CDK1: variants seen among roughly 807,000 people sequenced by gnomAD.
The protein encoded by CDK1 is cyclin-dependent kinase 1.
In CDK1, 5 loss-of-function variants were observed where a neutral mutation model predicts 34.6. That is an observed-to-expected ratio of 0.14 (90% CI 0.08 to 0.30). The LOEUF is 0.30. CDK1 is among the 10% of genes least tolerant of loss of function. The pLI is 1.00. For missense variants in CDK1, 157 were observed against 345.7 expected (o/e 0.45, Z 4.33); for synonymous variants, 108 against 114.7 (o/e 0.94, Z 0.37).
At chr10:60,787,132 T>C in intron 4 of CDK1, 1 of 919,586 alleles carries the variant, frequency 1.1e-6, no homozygotes, top group Non-Finnish European at 1.3e-6. Context: ...TACTTACAAT[T>C]TTTCAGTTTT....
Position 60,794,028 on chromosome 10 carries a change from T to G in CDK1, c.*53T>G. 1 of 831,136 alleles carries G rather than the reference T, an allele frequency of 1.2e-6. No homozygotes were observed. The highest frequency in any genetic ancestry group is 1.7e-5 in the South Asian group (1 of 60,406). The allele number at this position is 831,136 out of a possible 1,614,324, so 51.5% of individuals were successfully genotyped here. A position where few individuals can be genotyped will look rare whatever the true frequency, so the allele number is the denominator to read the frequency against. On this transcript the variant is annotated 3_prime_UTR_variant, in exon 8 of 8. Coordinates refer to ENST00000395284, the MANE Select transcript of CDK1 (RefSeq NM_001786.5). ...ATATCAACAGATAGTTGTGTTTTTA[T>G]TGTTAACTCTTGTCTATTTTTGTCT...
intron 2 of CDK1, among the ~76,000 whole-genome samples, chr10:60,782,711 A>AT (rs2080283225): frequency 6.6e-6 from 1 of 152,032 alleles, no homozygotes; most frequent in Admixed American, 6.6e-5. Context: ...TGTGTTAATG[A>AT]TTTTTGCCTC....
chr10:60,789,823 C>T (rs1021285100), intron 5 of CDK1, among the ~76,000 whole-genome samples: 7 of 152,194 alleles, frequency 4.6e-5, no homozygotes, highest in African/African-American at 1.7e-4. Flanking sequence ...TGAGCATCCT[C>T]TAAACAGTTT....
At chr10:60,791,253 T>C (rs2132074805) in intron 5 of CDK1, among the ~76,000 whole-genome samples, 1 of 152,284 alleles carries the variant, frequency 6.6e-6, no homozygotes, top group South Asian at 2.1e-4. Context: ...TTAAATTTAT[T>C]CCTAGGTTTT....
intron 4 of CDK1, chr10:60,786,048 C>CT (rs2080312936): frequency 2.8e-6 from 3 of 1,073,502 alleles, no homozygotes; most frequent in Non-Finnish European, 3.4e-6. Flanking sequence ...GTAGTCTGGT[C>CT]TTTCTTTGGC....
intron 4 of CDK1, chr10:60,786,661 C>G (rs1332626709): frequency 5.6e-6 from 1 of 178,892 alleles, no homozygotes; most frequent in African/African-American, 2.4e-5. Flanking sequence ...AAACTTGTAG[C>G]AATTTACTCT....
intron 6 of CDK1, 21 bp downstream of exon 6, chr10:60,792,074 T>C: frequency 6.2e-7 from 1 of 1,603,754 alleles, no homozygotes; most frequent in Non-Finnish European, 8.5e-7. Context: ...AAAACTGAGA[T>C]AATAAAGGTA....
rs1030959860 is a variant in CDK1 at position 60,790,095 on chromosome 10, AT to A, written c.490-1787del. Among the ~76,000 whole-genome samples the A allele has an allele frequency of 2.0e-5, 3 of 151,714 alleles. No individual in the cohort carries two copies. In the East Asian group the frequency reaches 5.8e-4, roughly 29 times the overall value. On this transcript the variant is annotated intron_variant, in intron 5 of 7. Coordinates refer to ENST00000395284, the MANE Select transcript of CDK1 (RefSeq NM_001786.5). ...CCATTTTTAAAATTGGATTCTTACT[AT>A]TTTTTTTATTCTGGATGTTAATTCT...
intron 2 of CDK1, among the ~76,000 whole-genome samples, chr10:60,783,072 G>A (rs1269663074): frequency 6.6e-6 from 1 of 152,102 alleles, no homozygotes; most frequent in Non-Finnish European, 1.5e-5. Flanking sequence ...ATTTTCCTGA[G>A]ATCACTTAAA....
In CDK1 at chr10:60,788,046, C is replaced by T. The variant is rs772620532; in HGVS notation, c.319-14C>T. ...ACTTCGCTTAAGTTTCTAACTTTTA[C>T]TTGCTTTTTCCAGAGTTATTTATAC... On this transcript the variant is annotated splice_polypyrimidine_tract_variant and intron_variant, in intron 4 of 7. Transcript: ENST00000395284. The T allele has an allele frequency of 1.5e-6, 2 of 1,329,076 alleles. No homozygotes were observed. The highest frequency in any genetic ancestry group is 2.2e-5 in the South Asian group (1 of 46,170). The allele number at this position is 1,329,076 out of a possible 1,614,324, so 82.3% of individuals were successfully genotyped here. A position where few individuals can be genotyped will look rare whatever the true frequency, so the allele number is the denominator to read the frequency against.
At chr10:60,786,943 A>C (rs914752206) in intron 4 of CDK1, 1 of 983,286 alleles carries the variant, frequency 1.0e-6, no homozygotes, top group Non-Finnish European at 1.2e-6. Context: ...AGAATAATAC[A>C]TGTCAGTATT....
intron 2 of CDK1, among the ~76,000 whole-genome samples, chr10:60,783,893 A>C (rs1055775438): frequency 6.6e-6 from 1 of 152,148 alleles, no homozygotes; most frequent in Admixed American, 6.5e-5. Flanking sequence ...ATACACAAAC[A>C]CCTGGTCTTT....
At chr10:60,781,127 A>G (rs1222424606) in intron 2 of CDK1, among the ~76,000 whole-genome samples, 4 of 152,112 alleles carry the variant, frequency 2.6e-5, no homozygotes, top group Non-Finnish European at 5.9e-5. Flanking sequence ...TGAATTAAAA[A>G]TATGTGATTA....
Position 60,788,224 on chromosome 10 carries a change from A to G in CDK1, c.483A>G (p.Thr161=), listed in dbSNP as rs942325644. ...RAFGIPIRVY[T]HEVVTLWYRS... ...TTGGAATACCTATCAGAGTATATAC[A>G]CATGAGGCAAGTGGAATAGTGGTTT... Residue 161 remains threonine, a synonymous_variant, in exon 5 of 8, where the codon ACA becomes ACG. Coordinates refer to ENST00000395284, the MANE Select transcript of CDK1 (RefSeq NM_001786.5). 6.3e-7 allele frequency: 1 copy of G among 1,588,776 alleles called. No individual in the cohort carries two copies. The highest frequency in any genetic ancestry group is 1.4e-5 in the African/African-American group (1 of 74,004).
intron 4 of CDK1, 42 bp downstream of exon 4, chr10:60,785,829 A>G (rs779662361): frequency 6.5e-7 from 1 of 1,529,872 alleles, no homozygotes; most frequent in Admixed American, 1.9e-5. Flanking sequence ...TGCACTGTGG[A>G]TATAAAGGGA....
intron 5 of CDK1, among the ~76,000 whole-genome samples, chr10:60,788,620 T>G (rs539395429): frequency 6.6e-6 from 1 of 152,266 alleles, no homozygotes; most frequent in South Asian, 2.1e-4. Flanking sequence ...GTCTCCTGAC[T>G]GAACCCTCCC....
At position 60,794,038 on chromosome 10, in the gene CDK1, TTGTC is replaced by T; in HGVS notation, c.*65_*68del. Reference sequence around the variant, plus strand: ...ATAGTTGTGTTTTTATTGTTAACTCTTGTCTATTTTTGTCTTATATATATTTCTT... The same window carrying T: ...ATAGTTGTGTTTTTATTGTTAACTCTTATTTTTGTCTTATATATATTTCTT... On this transcript the variant is annotated 3_prime_UTR_variant, in exon 8 of 8. Coordinates refer to ENST00000395284, the MANE Select transcript of CDK1 (RefSeq NM_001786.5). 1.3e-6 allele frequency: 1 copy of T among 768,014 alleles called. No individual in the cohort carries two copies. The highest frequency in any genetic ancestry group is 1.7e-5 in the South Asian group (1 of 57,482). 47.6% of individuals were successfully genotyped at this position (768,014 alleles called of 1,614,324 possible).
intron 4 of CDK1, chr10:60,786,415 G>A (rs147945484): frequency 5.6e-6 from 4 of 718,598 alleles, no homozygotes; most frequent in East Asian, 1.3e-4. Context: ...TTATCAAGAC[G>A]TAGATCTACC....
intron 5 of CDK1, among the ~76,000 whole-genome samples, chr10:60,788,916 T>C (rs1871445): frequency 0.31 from 47,376 of 151,940 alleles, 7,822 homozygotes; most frequent in East Asian, 0.61. Flanking sequence ...TTATCATTTT[T>C]TTACATGGCT....
Sources: allele counts gnomAD v4.1 joint callset (sites outside exome capture counted in the v4.1 genomes callset), GRCh38; gene constraint gnomAD v4.1.1; transcripts MANE v1.5; gene names NCBI Gene and HGNC (gene_info 2026-07-23, HGNC 2026-07-21).